Variants in MAPT observed in about 807,000 individuals in gnomAD.
MAPT encodes the protein microtubule associated protein tau.
Under a neutral mutation model 67.9 loss-of-function variants are expected in MAPT, and 34 were observed. The ratio of observed to expected loss-of-function variants is 0.50; its 90% CI spans 0.38 to 0.67. The LOEUF is 0.67. Ranked by LOEUF, MAPT falls within the 30% of genes least tolerant of loss-of-function variation. The probability of loss-of-function intolerance (pLI) is 0.00; values close to 1 mark genes in which losing one functional copy is unlikely to be tolerated. For synonymous variants in MAPT, 456 were observed against 464.5 expected (o/e 0.98, Z 0.23); for missense variants, 881 against 1,115.2 (o/e 0.79, Z 2.99).
chr17:45,906,400 C>T lies in MAPT; in HGVS notation c.-18+11714C>T, dbSNP rs1307640545. 6.6e-6 allele frequency among the ~76,000 whole-genome samples: 1 copy of T among 152,116 alleles called. No individual in the cohort carries two copies. On this transcript the variant is annotated intron_variant, in intron 1 of 12. Coordinates refer to ENST00000262410, the MANE Select transcript of MAPT (RefSeq NM_001377265.1). The surrounding 1 kb of genome is among the most constrained non-coding windows in gnomAD (Gnocchi z 4.3). ...ACAGTGTTTAGCATGTGACAGGAAT[C>T]GATTAAGGCATGAGTGATTAAATTA...
chr17:45,907,441 C>T (rs1483671595), intron 1 of MAPT, among the ~76,000 whole-genome samples: 1 of 152,164 alleles, frequency 6.6e-6, no homozygotes. Context: ...ACTCATCTGC[C>T]CACAGGTTGC....
intron 3 of MAPT, chr17:45,973,655 G>C (rs1474056516): frequency 6.6e-6 from 1 of 152,246 alleles, no homozygotes; most frequent in Non-Finnish European, 1.5e-5. Flanking sequence ...GAAAGGCCTG[G>C]GAGTGTGCCA....
intron 1 of MAPT, among the ~76,000 whole-genome samples, chr17:45,904,003 A>ATTATATAT (rs1555673855): frequency 4.1e-5 from 1 of 24,496 alleles, no homozygotes; most frequent in East Asian, 1.8e-3. Flanking sequence ...TATATTATAT[A>ATTATATAT]TTATATATAT....
intron 4 of MAPT, chr17:45,979,100 C>T (rs928557532): frequency 2.6e-5 from 4 of 152,206 alleles, no homozygotes; most frequent in African/African-American, 9.7e-5. Context: ...CATGTCATCC[C>T]CAAGCGATTG....
At chr17:45,974,410 G>C (rs560790760) in intron 3 of MAPT, 1 of 1,610,508 alleles carries the variant, frequency 6.2e-7, no homozygotes, top group East Asian at 2.2e-5. Context: ...TAGTGGATGA[G>C]GGAGCTCCCG....
intron 1 of MAPT, among the ~76,000 whole-genome samples, chr17:45,925,534 A>G (rs980549173): frequency 1.3e-5 from 2 of 151,920 alleles, no homozygotes; most frequent in East Asian, 1.9e-4. Flanking sequence ...AAGTAGTCAC[A>G]TGCAAAAGAT....
rs992572864 is a variant in MAPT, at chr17:45,974,377, G to A, written c.220+2432G>A. 1.3e-5 allele frequency: 20 copies of A among 1,598,560 alleles called. No individual in the cohort carries two copies. Among genetic ancestry groups the A allele is most frequent in the Non-Finnish European group, 1.6e-5 (19 of 1,173,252 alleles). ...GGCCCCTCTAAGGTGGATCTCGGTG[G>A]TTTCTAGATGTGACAGCACCCTTAG... On this transcript the variant is annotated intron_variant, in intron 3 of 12. Coordinates refer to ENST00000262410, the MANE Select transcript of MAPT (RefSeq NM_001377265.1).
chr17:45,924,130 C>T (rs1401609848), intron 1 of MAPT, among the ~76,000 whole-genome samples: 1 of 152,198 alleles, frequency 6.6e-6, no homozygotes, highest in East Asian at 1.9e-4. Flanking sequence ...CATAACTCTG[C>T]TCACAAGTGT....
chr17:46,009,262 TGAGAG>T (rs908147712), intron 9 of MAPT, among the ~76,000 whole-genome samples: 4 of 152,176 alleles, frequency 2.6e-5, no homozygotes, highest in African/African-American at 9.7e-5. Flanking sequence ...CCAGAGTTCC[TGAGAG>T]GAAAGGTCAC....
At chr17:45,944,187 C>T (rs1357737108) in intron 1 of MAPT, among the ~76,000 whole-genome samples, 4 of 152,188 alleles carry the variant, frequency 2.6e-5, no homozygotes, top group Non-Finnish European at 5.9e-5. Flanking sequence ...TCATCATCCC[C>T]ATGTTTCAAA....
At chr17:46,003,229 C>A (rs534379073) in intron 9 of MAPT, among the ~76,000 whole-genome samples, 1 of 152,166 alleles carries the variant, frequency 6.6e-6, no homozygotes, top group East Asian at 1.9e-4. Context: ...TCTTTCCTCC[C>A]TCCTCATACA....
intron 1 of MAPT, among the ~76,000 whole-genome samples, chr17:45,941,321 TTGA>T (rs2067830090): frequency 6.6e-6 from 1 of 152,174 alleles, no homozygotes; most frequent in Non-Finnish European, 1.5e-5. Context: ...TTAGTCTTCC[TTGA>T]TGATTTTGAT....
rs745747047 is a variant in MAPT at position 45,983,807 on chromosome 17, C to G, written c.1228C>G (p.Pro410Ala). The change falls in exon 5 of 13, where the codon CCA (proline) becomes GCA (alanine). Residue 410 changes from proline (P) to alanine (A), a missense_variant. Physicochemically the swap from Pro to Ala is conservative, Grantham distance 27. Transcript: ENST00000262410. ...AAFPGAPGEG[P>A]EARGPSLGED... is the part of the protein sequence containing the mutation. ...ATTTCCAGGGGCCCCTGGAGAGGGG[C>G]CAGAGGCCCGGGGCCCCTCTTTGGG... 4 of 1,613,308 alleles carry G rather than the reference C, an allele frequency of 2.5e-6. No homozygotes were observed. In the African/African-American group the frequency reaches 5.3e-5, roughly 22 times the overall value.
intron 6 of MAPT, among the ~76,000 whole-genome samples, chr17:45,987,767 C>T (rs2073703780): frequency 6.6e-6 from 1 of 152,246 alleles, no homozygotes; most frequent in Admixed American, 6.5e-5. Context: ...CCCGGAAGTG[C>T]CTGCAGAGTC....
chr17:45,962,227 G>A, intron 1 of MAPT, 94 bp from the exon 2 acceptor site: 1 of 1,047,394 alleles, frequency 9.5e-7, no homozygotes, highest in African/African-American at 1.6e-5. Flanking sequence ...AGATCTGCCT[G>A]CCATGAACTG....
chr17:45,980,823 G>C (rs2072878910), intron 4 of MAPT, among the ~76,000 whole-genome samples: 1 of 152,174 alleles, frequency 6.6e-6, no homozygotes, highest in African/African-American at 2.4e-5. Flanking sequence ...CCTGCCTCTG[G>C]TCAGTTCTGG....
chr17:45,914,943 C>T (rs1442036949), intron 1 of MAPT, among the ~76,000 whole-genome samples: 2 of 152,012 alleles, frequency 1.3e-5, no homozygotes, highest in African/African-American at 4.8e-5. Flanking sequence ...TCTCAAGCTC[C>T]TGGACTCAAG....
At chr17:45,927,394 CCA>C (rs1429817584) in intron 1 of MAPT, among the ~76,000 whole-genome samples, 7 of 152,076 alleles carry the variant, frequency 4.6e-5, no homozygotes, top group African/African-American at 1.7e-4. Flanking sequence ...TGTGGGAGGC[CCA>C]GAGTCAGCGT....
At chr17:45,991,353 C>A in intron 7 of MAPT, 107 bp from the exon 8 acceptor site, 2 of 1,469,686 alleles carry the variant, frequency 1.4e-6, no homozygotes, top group Non-Finnish European at 9.5e-7. Flanking sequence ...TCACCCCAGT[C>A]TTAGCCACGT....
Sources: gnomAD v4.1 joint callset for allele counts (sites outside exome capture counted in the v4.1 genomes callset) on GRCh38, gnomAD v4.1.1 for gene constraint, Gnocchi (gnomAD v3.1) non-coding constraint, MANE v1.5 for transcripts, NCBI Gene and HGNC (gene_info 2026-07-23, HGNC 2026-07-21) for gene names.